HHAT: variants seen among roughly 807,000 people sequenced by gnomAD.
HHAT encodes protein-cysteine N-palmitoyltransferase HHAT.
In HHAT, 47 loss-of-function variants were observed where a neutral mutation model predicts 70.8. The ratio of observed to expected loss-of-function variants is 0.66; its 90% CI spans 0.53 to 0.85. HHAT has a LOEUF of 0.85. HHAT is among the 40% of genes least tolerant of loss of function. The pLI is 0.00. For synonymous variants in HHAT, 228 were observed against 247.6 expected, an observed-to-expected ratio of 0.92 and a Z score of 0.74; for missense variants, 609 against 604.8, an observed-to-expected ratio of 1.01 and a Z score of -0.07.
intron 3 of HHAT, among the ~76,000 whole-genome samples, chr1:210,377,477 AG>A (rs532621278): frequency 3.7e-4 from 56 of 152,286 alleles, no homozygotes; most frequent in Non-Finnish European, 7.4e-4. Context: ...AGGAAAGGAA[AG>A]GTGGGAATAT....
chr1:210,664,537 G>A (rs1678477419), intron 11 of HHAT, among the ~76,000 whole-genome samples: 2 of 152,158 alleles, frequency 1.3e-5, no homozygotes, highest in Admixed American at 1.3e-4. Flanking sequence ...CTAGGTCTAG[G>A]GTCTGGTGCA....
rs182006592 is a variant in HHAT, at chr1:210,541,601, C to T, written c.1043+28413C>T. Among the ~76,000 whole-genome samples, 195 of 152,278 alleles carry T rather than the reference C, an allele frequency of 1.3e-3. 1 individual carries two copies. The highest frequency in any genetic ancestry group is 4.5e-3 in the African/African-American group (187 of 41,572). On this transcript the variant is annotated intron_variant, in intron 9 of 11. Transcript: ENST00000261458. ...AATTAGCTGGGTGTGGTGGCGCGTG[C>T]CTGTAATCCCAGCTCCTTAGGAGGG...
intron 9 of HHAT, among the ~76,000 whole-genome samples, chr1:210,527,384 C>T (rs1400145116): frequency 6.6e-6 from 1 of 152,190 alleles, no homozygotes; most frequent in Non-Finnish European, 1.5e-5. Context: ...TCATGCTTCA[C>T]TTTCCTTATC....
At chr1:210,401,370 TC>T (rs2092065761) in intron 5 of HHAT, among the ~76,000 whole-genome samples, 1 of 152,116 alleles carries the variant, frequency 6.6e-6, no homozygotes, top group African/African-American at 2.4e-5. Flanking sequence ...CACCTTGGCC[TC>T]CCCAAAGTGC....
chr1:210,661,250 A>G (rs1167666186), intron 11 of HHAT, among the ~76,000 whole-genome samples: 1 of 152,230 alleles, frequency 6.6e-6, no homozygotes, highest in African/African-American at 2.4e-5. Context: ...AAAAGTGGAC[A>G]AAGGATAGGA....
At chr1:210,499,967 T>C (rs1044177635) in intron 8 of HHAT, among the ~76,000 whole-genome samples, 2 of 152,344 alleles carry the variant, frequency 1.3e-5, no homozygotes, top group East Asian at 1.9e-4. Flanking sequence ...TTTCAAAATT[T>C]GTAAGTATCA....
chr1:210,372,780 G>GTTT lies in HHAT; in HGVS notation c.159+9874_159+9876dup, dbSNP rs56121731. Among the ~76,000 whole-genome samples the GTTT allele has an allele frequency of 5.7e-3, 793 of 140,208 alleles. 14 individuals are homozygous for GTTT. Among genetic ancestry groups the GTTT allele is most frequent in the African/African-American group, 0.018 (677 of 38,318 alleles). The allele number at this position is 140,208 out of a possible 152,430, so 92.0% of individuals were successfully genotyped here. On this transcript the variant is annotated intron_variant, in intron 3 of 11. Transcript: ENST00000261458. ...TTTGGGTGCTGGGCTCAAGGGAGGTGTTTTTTTTTTTTTTTGTGATCCTTC... is the reference window on the plus strand; with the variant it reads ...TTTGGGTGCTGGGCTCAAGGGAGGTGTTTTTTTTTTTTTTTTTTGTGATCCTTC...
intron 9 of HHAT, among the ~76,000 whole-genome samples, chr1:210,554,444 G>A (rs2095555173): frequency 6.6e-6 from 1 of 152,242 alleles, no homozygotes; most frequent in African/African-American, 2.4e-5. Context: ...TCAGTGCAGG[G>A]TTTGTGCCTT....
intron 8 of HHAT, among the ~76,000 whole-genome samples, chr1:210,503,464 A>G (rs890407569): frequency 1.3e-5 from 2 of 152,156 alleles, no homozygotes; most frequent in Non-Finnish European, 2.9e-5. Context: ...TCATCTGATG[A>G]CTTTGCTTTA....
chr1:210,419,412 A>T (rs1439061456), intron 7 of HHAT, among the ~76,000 whole-genome samples: 3 of 152,152 alleles, frequency 2.0e-5, no homozygotes, highest in Non-Finnish European at 4.4e-5. Flanking sequence ...TGGCCAAAAC[A>T]GCAGAGCCCA....
chr1:210,580,098 GAATTTTTAATAGAT>G (rs1363144114), intron 9 of HHAT, among the ~76,000 whole-genome samples: 1 of 152,168 alleles, frequency 6.6e-6, no homozygotes, highest in East Asian at 1.9e-4. Flanking sequence ...AGAGGGCATA[GAATTTTTAATAGAT>G]AATTTTCAGA....
chr1:210,353,241 C>T (rs970147441), intron 2 of HHAT, among the ~76,000 whole-genome samples: 1 of 152,006 alleles, frequency 6.6e-6, no homozygotes, highest in Admixed American at 6.6e-5. Context: ...CGGCCCCTCT[C>T]TGTTTACATT....
At chr1:210,364,598 G>A (rs1297235413) in intron 3 of HHAT, among the ~76,000 whole-genome samples, 1 of 152,216 alleles carries the variant, frequency 6.6e-6, no homozygotes, top group Non-Finnish European at 1.5e-5. Flanking sequence ...AAGTTTTGGA[G>A]CTGCCACAGA....
chr1:210,434,820 C>T (rs926576), intron 7 of HHAT, among the ~76,000 whole-genome samples: 85,697 of 151,454 alleles, frequency 0.57, 24,991 homozygotes, highest in South Asian at 0.67. Context: ...TACAGGTAAT[C>T]GTTTAGAGCT....
At chr1:210,576,164 T>A (rs777058423) in intron 9 of HHAT, among the ~76,000 whole-genome samples, 3 of 152,162 alleles carry the variant, frequency 2.0e-5, no homozygotes, top group Non-Finnish European at 4.4e-5. Context: ...TTAGGACTAA[T>A]GGTTTTAAGT....
chr1:210,521,103 A>G (rs553533300), intron 9 of HHAT, among the ~76,000 whole-genome samples: 131 of 152,354 alleles, frequency 8.6e-4, no homozygotes, highest in Admixed American at 2.1e-3. Flanking sequence ...TTTTTCCACA[A>G]ATAGATTTTG....
At chr1:210,337,591 C>G (rs575047823) in intron 1 of HHAT, among the ~76,000 whole-genome samples, 2 of 152,220 alleles carry the variant, frequency 1.3e-5, no homozygotes, top group South Asian at 4.2e-4. Context: ...CTCCATCTTC[C>G]AAGCACACCA....
At chr1:210,359,974 T>C (rs2088091308) in intron 2 of HHAT, among the ~76,000 whole-genome samples, 1 of 152,210 alleles carries the variant, frequency 6.6e-6, no homozygotes, top group Non-Finnish European at 1.5e-5. Flanking sequence ...AATTTCTCTA[T>C]TGCAATTCCT....
intron 9 of HHAT, among the ~76,000 whole-genome samples, chr1:210,541,598 G>A (rs930193639): frequency 4.6e-5 from 7 of 152,152 alleles, no homozygotes; most frequent in Admixed American, 1.3e-4. Context: ...GTGGTGGCGC[G>A]TGCCTGTAAT....
Sources: gnomAD v4.1 joint callset for allele counts (sites outside exome capture counted in the v4.1 genomes callset) on GRCh38, gnomAD v4.1.1 for gene constraint, MANE v1.5 for transcripts, NCBI Gene and HGNC (gene_info 2026-07-23, HGNC 2026-07-21) for gene names.